The following SETD2 variants were observed in gnomAD, a reference collection of about 807,000 sequenced individuals.
SETD2 encodes SET domain containing 2, histone lysine methyltransferase.
Under a neutral mutation model 242.1 loss-of-function variants are expected in SETD2, and 31 were observed. The ratio of observed to expected loss-of-function variants is 0.13; its 90% CI spans 0.10 to 0.17. SETD2 has a LOEUF of 0.17. Ranked by LOEUF, SETD2 falls within the 10% of genes least tolerant of loss-of-function variation. The probability of loss-of-function intolerance (pLI) is 1.00; values close to 1 mark genes in which losing one functional copy is unlikely to be tolerated. For synonymous variants in SETD2, 1,006 were observed against 1,066.5 expected, an observed-to-expected ratio of 0.94 and a Z score of 1.11; for missense variants, 2,481 against 3,046.3, an observed-to-expected ratio of 0.81 and a Z score of 4.37.
At chr3:47,102,218 G>A (rs2107685198) in intron 7 of SETD2, among the ~76,000 whole-genome samples, 1 of 152,312 alleles carries the variant, frequency 6.6e-6, no homozygotes, top group East Asian at 1.9e-4. Context: ...TGAAAACTCT[G>A]GACTTGCAGA....
intron 3 of SETD2, among the ~76,000 whole-genome samples, chr3:47,117,014 ATTG>A (rs1010985831): frequency 2.6e-5 from 4 of 151,524 alleles, no homozygotes; most frequent in Non-Finnish European, 5.9e-5. Context: ...GGTTTTTGTT[ATTG>A]TTGTTGTTTG....
In SETD2 at chr3:47,145,447, T is replaced by C. The variant is rs528073187; in HGVS notation, c.71+18407A>G. On this transcript the variant is annotated intron_variant, in intron 1 of 20. Coordinates refer to ENST00000409792, the MANE Select transcript of SETD2 (RefSeq NM_014159.7). ...GCTTTGTTGCCCAGGCTGGAGCAAG[T>C]ACAGTAGTACAATCCCAGCTTGCTG... is the stretch of plus-strand genomic sequence containing the variant. 496 of 381,226 alleles carry C rather than the reference T, an allele frequency of 1.3e-3. 6 individuals carry two copies. The highest frequency in any genetic ancestry group is 9.6e-3 in the South Asian group (478 of 49,854). The allele number at this position is 381,226 out of a possible 1,614,324, so 23.6% of individuals were successfully genotyped here.
At chr3:47,142,473 C>A (rs1265855653) in intron 1 of SETD2, among the ~76,000 whole-genome samples, 1 of 152,038 alleles carries the variant, frequency 6.6e-6, no homozygotes, top group African/African-American at 2.4e-5. Context: ...GGTGCCACTG[C>A]ACTCCAGCCT....
At chr3:47,055,247 C>T (rs2040005309) in intron 15 of SETD2, among the ~76,000 whole-genome samples, 1 of 152,066 alleles carries the variant, frequency 6.6e-6, no homozygotes, top group Admixed American at 6.5e-5. Context: ...AAAATATGAA[C>T]AGAAGTAAAA....
Position 47,037,742 on chromosome 3 carries a change from G to A in SETD2, c.7274C>T (p.Pro2425Leu). ...ATGCTCAAGGCTGGCATCATCTCCT[G>A]GGCTTTCCCAAGTAGGAGGATCCCA... ...TQWDPPTWESPGDDASLEHEA... is the reference protein window; with the variant it reads ...TQWDPPTWESLGDDASLEHEA... Residue 2425 changes from proline to leucine, a missense_variant, in exon 18 of 21, where the codon CCA becomes CTA. By Grantham distance (98) the Pro-to-Leu change is moderately conservative (BLOSUM62 -3). This residue lies in a region of SETD2 where 235 missense variants were observed against 293.9 expected (regional missense o/e 0.80). Coordinates refer to ENST00000409792, the MANE Select transcript of SETD2 (RefSeq NM_014159.7). 6.2e-7 allele frequency: 1 copy of A among 1,613,742 alleles called. No homozygotes were observed. Among genetic ancestry groups the A allele is most frequent in the Non-Finnish European group, 8.5e-7 (1 of 1,179,782 alleles).
At chr3:47,043,814 T>A (rs554035973) in intron 16 of SETD2, among the ~76,000 whole-genome samples, 1 of 152,300 alleles carries the variant, frequency 6.6e-6, no homozygotes, top group African/African-American at 2.4e-5. Flanking sequence ...CTTTAGCTTA[T>A]AAAGTGACCT....
chr3:47,053,676 C>A (rs553589352), intron 15 of SETD2, among the ~76,000 whole-genome samples: 1 of 152,302 alleles, frequency 6.6e-6, no homozygotes, highest in East Asian at 1.9e-4. Flanking sequence ...AAGGTTATCA[C>A]AGCTTGCAAA....
rs1056898009 is a variant in SETD2 at position 47,049,248 on chromosome 3, A to AT, written c.6964-2628dup. ...TGTGAGACAACACACTGGGCCAAATATTTTTTTTATATCCTTATTCTTATT... is the reference window on the plus strand; with the variant it reads ...TGTGAGACAACACACTGGGCCAAATATTTTTTTTTATATCCTTATTCTTATT... On this transcript the variant is annotated intron_variant, in intron 15 of 20. Coordinates refer to ENST00000409792, the MANE Select transcript of SETD2 (RefSeq NM_014159.7). Among the ~76,000 whole-genome samples, 6 of 142,926 alleles carry AT rather than the reference A, an allele frequency of 4.2e-5. No homozygotes were observed. The East Asian group carries it at 8.4e-4, about 20-fold the overall frequency. 93.8% of individuals were successfully genotyped at this position (142,926 alleles called of 152,430 possible). A position where few individuals can be genotyped will look rare whatever the true frequency, so the allele number is the denominator to read the frequency against.
At chr3:47,146,239 C>T (rs1184004167) in intron 1 of SETD2, among the ~76,000 whole-genome samples, 2 of 151,968 alleles carry the variant, frequency 1.3e-5, no homozygotes, top group Non-Finnish European at 2.9e-5. Flanking sequence ...AGTTTTTTAA[C>T]CTAAGTTACT....
chr3:47,116,603 G>T lies in SETD2; in HGVS notation c.4586+20C>A. The T allele has an allele frequency of 1.3e-6, 2 of 1,596,060 alleles. No homozygotes were observed. Among genetic ancestry groups the T allele is most frequent in the South Asian group, 2.3e-5 (2 of 87,588 alleles). On this transcript the variant is annotated intron_variant, in intron 4 of 20. Transcript: ENST00000409792. ...TTAATAGAAGTGTTGAGCAAAAGCC[G>T]AGTATTCTAATTTACTTACCATTCA...
At chr3:47,064,473 C>G (rs2040474663) in intron 13 of SETD2, 1 of 183,670 alleles carries the variant, frequency 5.4e-6, no homozygotes, top group Admixed American at 6.2e-5. Context: ...CCTGCAAACC[C>G]AGGTTTCTTA....
chr3:47,128,498 A>G (rs1288593517), intron 1 of SETD2, among the ~76,000 whole-genome samples: 1 of 152,222 alleles, frequency 6.6e-6, no homozygotes, highest in African/African-American at 2.4e-5. Flanking sequence ...AAACATATAA[A>G]ACCCTTTTCC....
At chr3:47,132,600 T>C (rs976091509) in intron 1 of SETD2, among the ~76,000 whole-genome samples, 7 of 152,224 alleles carry the variant, frequency 4.6e-5, no homozygotes, top group African/African-American at 1.2e-4. Context: ...AGAATATTCC[T>C]GTCCTCAAGG....
Position 47,127,993 on chromosome 3 carries a change from TCACACACA to T in SETD2, c.72-1338_72-1331del, listed in dbSNP as rs34240660. ...CTGAGTGAAAACCTGTCTCTCTCTCTCACACACACACACACACACACAAAATAACATAG... is the reference window on the plus strand; with the variant it reads ...CTGAGTGAAAACCTGTCTCTCTCTCTCACACACACACACAAAATAACATAG... On this transcript the variant is annotated intron_variant, in intron 1 of 20. Coordinates refer to ENST00000409792, the MANE Select transcript of SETD2 (RefSeq NM_014159.7). Among the ~76,000 whole-genome samples, 5 of 150,570 alleles carry T rather than the reference TCACACACA, an allele frequency of 3.3e-5. 1 individual carries two copies. The highest frequency in any genetic ancestry group is 4.4e-5 in the Non-Finnish European group (3 of 67,534).
chr3:47,137,843 C>T (rs2043625425), intron 1 of SETD2, among the ~76,000 whole-genome samples: 1 of 152,006 alleles, frequency 6.6e-6, no homozygotes, highest in Admixed American at 6.6e-5. Context: ...CCCGCCACCA[C>T]ACCCAGCTAA....
chr3:47,056,794 G>C lies in SETD2; in HGVS notation c.6963+27C>G, dbSNP rs752343076. 3.1e-6 allele frequency: 5 copies of C among 1,590,684 alleles called. 1 individual carries two copies. The South Asian group carries it at 5.6e-5, about 18-fold the overall frequency. On this transcript the variant is annotated intron_variant, in intron 15 of 20. Coordinates refer to ENST00000409792, the MANE Select transcript of SETD2 (RefSeq NM_014159.7). ...CATCCCATGAACAGACCATAAAGCA[G>C]AAAAGAAAAGTTTCAGAATTAGTTA... is the stretch of plus-strand genomic sequence containing the variant.
intron 15 of SETD2, among the ~76,000 whole-genome samples, chr3:47,054,801 AC>A (rs2039985421): frequency 6.6e-6 from 1 of 152,184 alleles, no homozygotes. Flanking sequence ...TTAAATGACT[AC>A]CCCCAGTAAA....
chr3:47,121,148 G>A lies in SETD2; in HGVS notation c.3488C>T (p.Pro1163Leu), dbSNP rs2106640943. The stretch of plus-strand genomic sequence containing the variant: ...TGTACTATCAACCCCATCACTCTGA[G>A]GATGAGAAAGTTCAGGCAGGCGATT... ...IDNRLPELSH[P>L]QSDGVDSTSH... The change falls in exon 3 of 21, where the codon CCT becomes CTT. Residue 1163 changes from proline to leucine, a missense_variant. Coordinates refer to ENST00000409792, the MANE Select transcript of SETD2 (RefSeq NM_014159.7). 2 of 1,614,066 alleles carry A rather than the reference G, an allele frequency of 1.2e-6. No homozygotes were observed. Among genetic ancestry groups the A allele is most frequent in the Non-Finnish European group, 8.5e-7 (1 of 1,179,994 alleles).
At chr3:47,095,047 T>C (rs772565275) in intron 9 of SETD2, among the ~76,000 whole-genome samples, 82 of 152,188 alleles carry the variant, frequency 5.4e-4, no homozygotes, top group Non-Finnish European at 1.0e-3. Flanking sequence ...TCTTAATCCA[T>C]AGTAAGGTCA....
Sources: gnomAD v4.1 joint callset for allele counts (sites outside exome capture counted in the v4.1 genomes callset) on GRCh38, gnomAD v4.1.1 for gene constraint, gnomAD v4.1.1 regional missense constraint, MANE v1.5 for transcripts, NCBI Gene and HGNC (gene_info 2026-07-23, HGNC 2026-07-21) for gene names.